Variants in C11orf65 observed in about 807,000 individuals in gnomAD.
C11orf65 encodes protein MFI.
C11orf65 carries 38 observed loss-of-function variants against 35.3 expected under a neutral mutation model. The observed-to-expected ratio is 1.08, with a 90% confidence interval of 0.83 to 1.41. C11orf65 has a LOEUF of 1.41. Ranked by LOEUF, C11orf65 falls within the 40% of genes most tolerant of loss-of-function variation. The probability of loss-of-function intolerance (pLI) is 0.00; values close to 1 mark genes in which losing one functional copy is unlikely to be tolerated. For synonymous variants in C11orf65, 105 were observed against 114.4 expected (o/e 0.92, Z 0.53); for missense variants, 370 against 367.1 (o/e 1.01, Z -0.06).
At chr11:108,354,792 A>C in intron 2 of C11orf65, 1 of 1,607,682 alleles carries the variant, frequency 6.2e-7, no homozygotes, top group Non-Finnish European at 8.5e-7. Flanking sequence ...ATCCGTATTT[A>C]TAATGTGTTT....
In C11orf65 at chr11:108,347,310, T is replaced by G. The variant is rs1555139556; in HGVS notation, c.227-12018A>C. ...ACATACTTGGACTTGGTGATAGACATGTACAGAATATCTTGATAAATGAGC... is the reference window on the plus strand; with the variant it reads ...ACATACTTGGACTTGGTGATAGACAGGTACAGAATATCTTGATAAATGAGC... On this transcript the variant is annotated intron_variant, in intron 2 of 3. Coordinates refer to the C11orf65 transcript ENST00000524755. The G allele has an allele frequency of 6.2e-7, 1 of 1,611,786 alleles. No individual in the cohort carries two copies. The highest frequency in any genetic ancestry group is 8.5e-7 in the Non-Finnish European group (1 of 1,178,108).
intron 2 of C11orf65, chr11:108,354,948 G>A (rs2089718242): frequency 8.1e-7 from 1 of 1,236,740 alleles, no homozygotes; most frequent in Non-Finnish European, 1.2e-6. Context: ...GGAAGTCACT[G>A]ATGTGAAGAG....
chr11:108,309,201 C>T, intron 6 of C11orf65: 1 of 531,110 alleles, frequency 1.9e-6, no homozygotes, highest in South Asian at 2.5e-5. Context: ...AACAATAAAA[C>T]AACAACAACA....
chr11:108,397,673 G>A (rs1382989929), intron 6 of C11orf65, among the ~76,000 whole-genome samples: 2 of 152,132 alleles, frequency 1.3e-5, no homozygotes, highest in African/African-American at 4.8e-5. Flanking sequence ...TCAGAATGAA[G>A]AGTGTTTAAA....
At chr11:108,419,653 G>A (rs1741305170) in intron 3 of C11orf65, among the ~76,000 whole-genome samples, 1 of 152,192 alleles carries the variant, frequency 6.6e-6, no homozygotes, top group African/African-American at 2.4e-5. Context: ...AGTGAGCTAT[G>A]ATGGCACCAA....
At chr11:108,404,482 A>C (rs935680685) in intron 6 of C11orf65, among the ~76,000 whole-genome samples, 8 of 151,908 alleles carry the variant, frequency 5.3e-5, no homozygotes, top group African/African-American at 1.9e-4. Context: ...ATCTCTGCTC[A>C]CTGCAAGCTC....
chr11:108,423,246 CT>C (rs1249350261), intron 3 of C11orf65, among the ~76,000 whole-genome samples: 1 of 152,086 alleles, frequency 6.6e-6, no homozygotes, highest in Non-Finnish European at 1.5e-5. Context: ...ATTCACTCCC[CT>C]AGAAAGGGGG....
At chr11:108,373,960 G>A (rs1246644154) in intron 2 of C11orf65, among the ~76,000 whole-genome samples, 5 of 152,366 alleles carry the variant, frequency 3.3e-5, no homozygotes. Context: ...CAAGGCTGCA[G>A]CGAGGCTGGC....
chr11:108,344,773 G>A (rs545775699), intron 2 of C11orf65, among the ~76,000 whole-genome samples: 1 of 152,100 alleles, frequency 6.6e-6, no homozygotes, highest in Non-Finnish European at 1.5e-5. Flanking sequence ...GGATACCAAG[G>A]CAGGAGGATT....
At chr11:108,408,215 A>T (rs2092583370) in intron 3 of C11orf65, among the ~76,000 whole-genome samples, 1 of 151,942 alleles carries the variant, frequency 6.6e-6, no homozygotes, top group South Asian at 2.1e-4. Context: ...CATAAAAGCC[A>T]AGTAATTTTT....
chr11:108,452,669 T>C (rs2093363917), intron 2 of C11orf65, among the ~76,000 whole-genome samples: 1 of 152,186 alleles, frequency 6.6e-6, no homozygotes, highest in African/African-American at 2.4e-5. Context: ...CAAAGGATTA[T>C]AAATCATGCT....
chr11:108,330,196 T>G (rs1473587970), downstream of C11orf65: 3 of 1,610,194 alleles, frequency 1.9e-6, no homozygotes, highest in Middle Eastern at 1.7e-4. Context: ...GTGTTTTACC[T>G]TAATTATTCT....
At chr11:108,348,441 G>A (rs2088758172) in intron 2 of C11orf65, among the ~76,000 whole-genome samples, 2 of 149,968 alleles carry the variant, frequency 1.3e-5, no homozygotes, top group South Asian at 2.1e-4. Flanking sequence ...AAGAAAGAAA[G>A]AATATATATA....
At chr11:108,335,370 TGC>T (rs2136676744) in intron 2 of C11orf65, 2 of 1,114,908 alleles carry the variant, frequency 1.8e-6, no homozygotes, top group East Asian at 6.5e-5. Flanking sequence ...ACAGTGAGGT[TGC>T]TTCTTATGAA....
At chr11:108,415,409 A>G (rs781222294) in intron 3 of C11orf65, among the ~76,000 whole-genome samples, 1 of 152,160 alleles carries the variant, frequency 6.6e-6, no homozygotes, top group African/African-American at 2.4e-5. Context: ...AAATATATAA[A>G]AATCGATATG....
chr11:108,376,763 A>C (rs1372442733), intron 2 of C11orf65, among the ~76,000 whole-genome samples: 1 of 152,170 alleles, frequency 6.6e-6, no homozygotes, highest in Non-Finnish European at 1.5e-5. Flanking sequence ...GGAGAGAAGA[A>C]TCAAATAGAC....
intron 2 of C11orf65, among the ~76,000 whole-genome samples, chr11:108,357,499 G>C (rs987140078): frequency 6.6e-6 from 1 of 152,230 alleles, no homozygotes; most frequent in Non-Finnish European, 1.5e-5. Flanking sequence ...GCAGGGCACA[G>C]ACAAACAAAA....
intron 2 of C11orf65, among the ~76,000 whole-genome samples, chr11:108,347,085 C>A (rs1317122129): frequency 6.6e-6 from 1 of 152,086 alleles, no homozygotes. Context: ...TTGTAAAATG[C>A]AATATGCATT....
intron 2 of C11orf65, among the ~76,000 whole-genome samples, chr11:108,455,208 C>T (rs1565723388): frequency 6.6e-6 from 1 of 151,930 alleles, no homozygotes; most frequent in Non-Finnish European, 1.5e-5. Context: ...CCCCTGCTTA[C>T]TACTTGTATT....
Sources: allele counts gnomAD v4.1 joint callset (sites outside exome capture counted in the v4.1 genomes callset), GRCh38; gene constraint gnomAD v4.1.1; transcripts MANE v1.5; gene names NCBI Gene and HGNC (gene_info 2026-07-23, HGNC 2026-07-21).